Variants in GNG7 observed in about 807,000 individuals in gnomAD.
The protein encoded by GNG7 is guanine nucleotide-binding protein G(I)/G(S)/G(O) subunit gamma-7.
A neutral mutation model predicts 4.0 loss-of-function variants in GNG7; 1 was observed. The ratio of observed to expected loss-of-function variants is 0.25; its 90% confidence interval spans 0.09 to 1.18. The LOEUF is 1.18. Ranked by LOEUF, GNG7 falls within the 50% of genes most tolerant of loss-of-function variation. The probability of loss-of-function intolerance (pLI) is 0.50; values close to 1 mark genes in which losing one functional copy is unlikely to be tolerated. For missense variants in GNG7, 86 were observed against 91.9 expected (o/e 0.94, Z 0.26); for synonymous variants, 34 against 36.9 (o/e 0.92, Z 0.29).
intron 3 of GNG7, among the ~76,000 whole-genome samples, chr19:2,552,151 G>A (rs897957025): frequency 2.0e-5 from 3 of 152,108 alleles, no homozygotes; most frequent in African/African-American, 7.2e-5. Context: ...AATGCCTAAT[G>A]GCCTCGACTG....
rs1355847294 is a variant in GNG7 at position 2,581,412 on chromosome 19, G to C, written c.-77-26224C>G. ...TCCTTCACTTGCAAATTGCCCAGGA[G>C]GGGTCAGCAGAGATACTGAGTTCCC... On this transcript the variant is annotated intron_variant, in intron 2 of 4. Transcript: ENST00000382159. Among the ~76,000 whole-genome samples, 8 of 152,174 alleles carry C rather than the reference G, an allele frequency of 5.3e-5. No individual in the cohort carries two copies. In the South Asian group the frequency reaches 1.7e-3, roughly 32 times the overall value.
chr19:2,665,258 T>C (rs757832883), intron 1 of GNG7, among the ~76,000 whole-genome samples: 51 of 151,918 alleles, frequency 3.4e-4, no homozygotes, highest in Non-Finnish European at 1.3e-4. Context: ...TCCTGAGCAC[T>C]GCAGCACGCT....
chr19:2,605,908 C>T (rs569505828), intron 2 of GNG7, among the ~76,000 whole-genome samples: 4 of 152,262 alleles, frequency 2.6e-5, no homozygotes, highest in South Asian at 4.1e-4. Context: ...GTGATCACTT[C>T]TGCGACCTCT....
intron 2 of GNG7, among the ~76,000 whole-genome samples, chr19:2,589,150 A>C (rs772746042): frequency 1.1e-3 from 164 of 149,848 alleles, no homozygotes; most frequent in Admixed American, 2.7e-3. Flanking sequence ...CTGGTCTCGA[A>C]CTCCCAACCT....
intron 1 of GNG7, among the ~76,000 whole-genome samples, chr19:2,683,163 C>T (rs751844534): frequency 2.6e-5 from 4 of 151,964 alleles, no homozygotes; most frequent in East Asian, 1.9e-4. Flanking sequence ...CGCTTGAACC[C>T]GGGAGGCAGA....
intron 4 of GNG7, among the ~76,000 whole-genome samples, chr19:2,517,788 AG>A: frequency 6.6e-6 from 1 of 152,214 alleles, no homozygotes; most frequent in Non-Finnish European, 1.5e-5. Flanking sequence ...CTGGGGTTAC[AG>A]GCATGAGCCG....
chr19:2,647,557 A>G (rs1182932264), intron 1 of GNG7, among the ~76,000 whole-genome samples: 1 of 152,114 alleles, frequency 6.6e-6, no homozygotes, highest in Admixed American at 6.6e-5. Context: ...CTTGACAAAA[A>G]AAATTTAAAA....
chr19:2,568,745 C>T (rs537592252), intron 2 of GNG7, among the ~76,000 whole-genome samples: 14 of 151,238 alleles, frequency 9.3e-5, no homozygotes, highest in East Asian at 7.8e-4. Flanking sequence ...TACATACATA[C>T]ACACATACAC....
intron 3 of GNG7, among the ~76,000 whole-genome samples, chr19:2,550,619 C>A (rs749574299): frequency 2.9e-4 from 44 of 152,190 alleles, no homozygotes; most frequent in Non-Finnish European, 2.9e-4. Flanking sequence ...GGGGCTTGTG[C>A]AGATGAGCAG....
chr19:2,617,995 C>T lies in GNG7; in HGVS notation c.-78+28229G>A, dbSNP rs1255832337. 1.3e-5 allele frequency among the ~76,000 whole-genome samples: 2 copies of T among 152,098 alleles called. No individual in the cohort carries two copies. The highest frequency in any genetic ancestry group is 3.9e-4 in the East Asian group (2 of 5,178). The stretch of plus-strand genomic sequence containing the variant: ...TCGGCCTCCCAAAGCGCTGAGATTA[C>T]AGGCGTGACTATTTCCTTATCTTCT... On this transcript the variant is annotated intron_variant, in intron 2 of 4. Coordinates refer to ENST00000382159, the MANE Select transcript of GNG7 (RefSeq NM_052847.3). The surrounding 1 kb of genome is among the most constrained non-coding windows in gnomAD (Gnocchi z 4.7).
intron 2 of GNG7, among the ~76,000 whole-genome samples, chr19:2,569,354 C>T (rs1042722513): frequency 1.3e-5 from 2 of 152,156 alleles, no homozygotes; most frequent in Non-Finnish European, 2.9e-5. Context: ...CGGCTCACTG[C>T]AAGCTCCGCC....
rs1979576497 is a variant in GNG7, at chr19:2,557,131, A to T, written c.-77-1943T>A. Among the ~76,000 whole-genome samples, 2 of 151,426 alleles carry T rather than the reference A, an allele frequency of 1.3e-5. No individual in the cohort carries two copies. The highest frequency in any genetic ancestry group is 4.2e-4 in the South Asian group (2 of 4,778). On this transcript the variant is annotated intron_variant, in intron 2 of 4. Transcript: ENST00000382159. This position sits in a 1 kb window ranked among gnomAD's most constrained non-coding sequence, Gnocchi z 5.1. ...CACACGCACACACGTACACACGTGT[A>T]CTGCACACTCACGCACATGCACACA...
intron 2 of GNG7, among the ~76,000 whole-genome samples, chr19:2,600,744 G>T (rs1981174665): frequency 6.6e-6 from 1 of 151,862 alleles, no homozygotes; most frequent in Admixed American, 6.6e-5. Context: ...TCAAAGCGCT[G>T]GGATTACAGG....
rs987235175 is a variant in GNG7, at chr19:2,546,636, G to A, written c.-38+8513C>T. 3.9e-5 allele frequency among the ~76,000 whole-genome samples: 6 copies of A among 152,184 alleles called. No individual in the cohort carries two copies. Among genetic ancestry groups the A allele is most frequent in the African/African-American group, 9.7e-5 (4 of 41,446 alleles). Reference sequence around the variant, plus strand: ...AAAATAGACCAGCGGGGCAGGTCCCGCCGCTGCCTTCAGCCGGAGCTTGGA... The same window carrying A: ...AAAATAGACCAGCGGGGCAGGTCCCACCGCTGCCTTCAGCCGGAGCTTGGA... On this transcript the variant is annotated intron_variant, in intron 3 of 4. Coordinates refer to ENST00000382159, the MANE Select transcript of GNG7 (RefSeq NM_052847.3). This position sits in a 1 kb window ranked among gnomAD's most constrained non-coding sequence, Gnocchi z 6.3.
At chr19:2,675,735 G>A (rs1432936025) in intron 1 of GNG7, among the ~76,000 whole-genome samples, 1 of 152,144 alleles carries the variant, frequency 6.6e-6, no homozygotes, top group South Asian at 2.1e-4. Flanking sequence ...TTCACGATTG[G>A]GGGGAGCTCC....
chr19:2,599,596 C>T (rs1981137610), intron 2 of GNG7, among the ~76,000 whole-genome samples: 2 of 152,202 alleles, frequency 1.3e-5, no homozygotes, highest in South Asian at 2.1e-4. Flanking sequence ...TTTGTGACAC[C>T]GGCGTTCAGG....
At chr19:2,641,463 TCAAA>T (rs5826776) in intron 2 of GNG7, among the ~76,000 whole-genome samples, 25,219 of 148,652 alleles carry the variant, frequency 0.17, 2,096 homozygotes, top group Middle Eastern at 0.22. Flanking sequence ...AGGGTGAGAG[TCAAA>T]CAGAGACTGG....
chr19:2,555,348 G>T (rs1238217206), intron 2 of GNG7, among the ~76,000 whole-genome samples, 160 bp from the exon 3 acceptor site: 1 of 152,160 alleles, frequency 6.6e-6, no homozygotes, highest in African/African-American at 2.4e-5. Flanking sequence ...GGAGAAAACG[G>T]GGGCAGAATC....
intron 1 of GNG7, among the ~76,000 whole-genome samples, chr19:2,698,926 C>A (rs1056185472): frequency 3.1e-4 from 47 of 152,254 alleles, no homozygotes; most frequent in African/African-American, 1.1e-3. Context: ...ATAACGGTAT[C>A]GGTCAAAGGA....
Sources: gnomAD v4.1 joint callset for allele counts (sites outside exome capture counted in the v4.1 genomes callset) on GRCh38, gnomAD v4.1.1 for gene constraint, Gnocchi (gnomAD v3.1) non-coding constraint, MANE v1.5 for transcripts, NCBI Gene and HGNC (gene_info 2026-07-23, HGNC 2026-07-21) for gene names.